KIF1A: variants seen among roughly 807,000 people sequenced by gnomAD.
The protein encoded by KIF1A is kinesin-like protein KIF1A.
Under a neutral mutation model 227.3 loss-of-function variants are expected in KIF1A, and 46 were observed. The ratio of observed to expected loss-of-function variants is 0.20; its 90% CI spans 0.16 to 0.26. The LOEUF (loss-of-function observed/expected upper bound fraction) is 0.26. KIF1A is among the 10% of genes least tolerant of loss of function. KIF1A has a pLI of 1.00. For missense variants in KIF1A, 1,683 were observed against 2,485.9 expected (o/e 0.68, Z 6.87); for synonymous variants, 1,022 against 1,012.8 (o/e 1.01, Z -0.17).
chr2:240,780,062 G>A (rs1308603607), intron 10 of KIF1A, among the ~76,000 whole-genome samples: 1 of 151,988 alleles, frequency 6.6e-6, no homozygotes, highest in Non-Finnish European at 1.5e-5. Context: ...GGGCTCACGT[G>A]GCTCCTCTCA....
intron 38 of KIF1A, among the ~76,000 whole-genome samples, chr2:240,731,163 G>T (rs1468867212): frequency 6.6e-6 from 1 of 152,230 alleles, no homozygotes; most frequent in Non-Finnish European, 1.5e-5. Context: ...AAGGAGGTGG[G>T]TGGAGTCAGG....
chr2:240,770,478 T>C (rs1033101901), intron 15 of KIF1A, among the ~76,000 whole-genome samples: 2 of 152,172 alleles, frequency 1.3e-5, no homozygotes, highest in African/African-American at 4.8e-5. Flanking sequence ...TGCTGTGACC[T>C]GGGACTGTCG....
At position 240,718,057 on chromosome 2, in the gene KIF1A, T is replaced by A; in HGVS notation, c.5326A>T (p.Thr1776Ser). The A allele has an allele frequency of 6.2e-7, 1 of 1,606,428 alleles. No homozygotes were observed. Among genetic ancestry groups the A allele is most frequent in the Non-Finnish European group, 8.5e-7 (1 of 1,176,454 alleles). The stretch of plus-strand genomic sequence containing the variant: ...CCCTGCAGGCGGCCCTACCGTATGG[T>A]CCCGGCCAGGAGGGGGTTGAAGGCG... ...LYAFNPLLAG[T>S]IRSKLSRRRS... Residue 1776 changes from threonine to serine, a missense_variant, in exon 48 of 49, where the codon ACC (threonine) becomes TCC (serine). This residue lies in a region of KIF1A where 384 missense variants were observed against 410.1 expected (regional missense o/e 0.94). Transcript: ENST00000498729.
At chr2:240,805,129 C>G (rs535939103) in intron 1 of KIF1A, among the ~76,000 whole-genome samples, 3 of 12,270 alleles carry the variant, frequency 2.4e-4, no homozygotes, top group Admixed American at 1.1e-3. Context: ...GGAGGGAGGG[C>G]GGAGGGAGAG....
intron 29 of KIF1A, among the ~76,000 whole-genome samples, chr2:240,746,542 C>A (rs1021117496): frequency 6.6e-6 from 1 of 152,220 alleles, no homozygotes; most frequent in East Asian, 1.9e-4. Flanking sequence ...TGGGCATCCC[C>A]AATACTGACA....
chr2:240,788,863 G>C lies in KIF1A; in HGVS notation c.183+373C>G, dbSNP rs991120293. 6.6e-6 allele frequency among the ~76,000 whole-genome samples: 1 copy of C among 152,150 alleles called. No individual in the cohort carries two copies. The highest frequency in any genetic ancestry group is 1.5e-5 in the Non-Finnish European group (1 of 68,002). On this transcript the variant is annotated intron_variant, in intron 3 of 48. Transcript: ENST00000498729. The surrounding 1 kb of genome is among the most constrained non-coding windows in gnomAD (Gnocchi z 6.6). ...ACAGGGCTCAGTGTGGACTGGATCG[G>C]GGAGGAGGGAAGGAGAAGAGTCCAG...
At position 240,725,908 on chromosome 2, in the gene KIF1A, T is replaced by C. The variant is rs1039287525; in HGVS notation, c.4123-504A>G. 1.2e-4 allele frequency: 18 copies of C among 152,954 alleles called. No homozygotes were observed. The highest frequency in any genetic ancestry group is 4.1e-4 in the African/African-American group (17 of 41,456). The allele number at this position is 152,954 out of a possible 1,614,324, so 9.5% of individuals were successfully genotyped here. A position where few individuals can be genotyped will look rare whatever the true frequency, so the allele number is the denominator to read the frequency against. ...TGCATGGCTGAAGAGTCCCAAGCAC[T>C]CGCTGGGAAGAGCTCTGCCAGCGCC... On this transcript the variant is annotated intron_variant, in intron 39 of 48. Transcript: ENST00000498729. This position sits in a 1 kb window ranked among gnomAD's most constrained non-coding sequence, Gnocchi z 5.8.
At chr2:240,761,947 CCT>C (rs1559507221) in intron 23 of KIF1A, among the ~76,000 whole-genome samples, 1 of 152,188 alleles carries the variant, frequency 6.6e-6, no homozygotes, top group African/African-American at 2.4e-5. Context: ...CGACCCATGC[CCT>C]GTCTGTCCAC....
At chr2:240,814,440 A>G (rs969164386) in intron 1 of KIF1A, among the ~76,000 whole-genome samples, 1 of 152,012 alleles carries the variant, frequency 6.6e-6, no homozygotes, top group Non-Finnish European at 1.5e-5. Context: ...CAGCAAAAAC[A>G]CTCTCACACA....
intron 10 of KIF1A, among the ~76,000 whole-genome samples, chr2:240,776,770 G>A (rs570147800): frequency 1.3e-5 from 2 of 152,336 alleles, no homozygotes; most frequent in South Asian, 4.1e-4. Flanking sequence ...GGACATGCAC[G>A]CAGATGCCAC....
intron 1 of KIF1A, among the ~76,000 whole-genome samples, chr2:240,811,368 AAAAAGAAAAGAAGAAAAG>A (rs2057851262): frequency 6.6e-6 from 1 of 152,042 alleles, no homozygotes; most frequent in Non-Finnish European, 1.5e-5. Context: ...CCATCTCAAA[AAAAAGAAAAGAAGAAAAG>A]AAAAGAAAAG....
At position 240,739,984 on chromosome 2, in the gene KIF1A, T is replaced by A; in HGVS notation, c.3901+74A>T. On this transcript the variant is annotated intron_variant, in intron 37 of 48. Transcript: ENST00000498729. The surrounding 1 kb of genome is among the most constrained non-coding windows in gnomAD (Gnocchi z 5.6). ...CGCAGAGGTGTGGTTAGAACCCGGG[T>A]ATCCAGCTCAGGGCCTGTACTCTTC... 1.7e-6 allele frequency: 2 copies of A among 1,182,662 alleles called. No individual in the cohort carries two copies. Among genetic ancestry groups the A allele is most frequent in the Non-Finnish European group, 2.5e-6 (2 of 813,964 alleles). The allele number at this position is 1,182,662 out of a possible 1,614,324, so 73.3% of individuals were successfully genotyped here.
At chr2:240,723,630 G>C in intron 41 of KIF1A, 72 bp from the exon 42 acceptor site, 12 of 1,450,536 alleles carry the variant, frequency 8.3e-6, no homozygotes, top group Non-Finnish European at 1.0e-5. Context: ...CTAGAGGTCC[G>C]CCCATCTGTG....
chr2:240,763,094 G>A lies in KIF1A; in HGVS notation c.1950-3C>T, dbSNP rs778033896. On this transcript the variant is annotated splice_region_variant and splice_polypyrimidine_tract_variant and intron_variant, in intron 21 of 48. Coordinates refer to ENST00000498729, the MANE Select transcript of KIF1A (RefSeq NM_001244008.2). Reference sequence around the variant, plus strand: ...ACTGGTCCTCCAGTTCCTGGAGCCTGCAAGGGGGCATTGGGGTGAGCACGG... The same window carrying A: ...ACTGGTCCTCCAGTTCCTGGAGCCTACAAGGGGGCATTGGGGTGAGCACGG... 7 of 1,587,422 alleles carry A rather than the reference G, an allele frequency of 4.4e-6. No homozygotes were observed. Among genetic ancestry groups the A allele is most frequent in the Middle Eastern group, 3.8e-4 (2 of 5,290 alleles).
chr2:240,804,304 A>C (rs889509204), intron 1 of KIF1A, among the ~76,000 whole-genome samples: 3 of 152,152 alleles, frequency 2.0e-5, no homozygotes, highest in Non-Finnish European at 2.9e-5. Flanking sequence ...TTCCCAACAG[A>C]GAGCAAAAGG....
At chr2:240,723,931 A>C in intron 41 of KIF1A, 44 bp downstream of exon 41, 1 of 1,539,302 alleles carries the variant, frequency 6.5e-7, no homozygotes, top group South Asian at 1.1e-5. Flanking sequence ...GCAGAGGTTG[A>C]GCAGGCCAGG....
Position 240,766,722 on chromosome 2 carries a change from A to ATC in KIF1A, c.1684+191_1684+192dup, listed in dbSNP as rs67736580. ...CCCAAATATCTCTCTCTCTCTCCAA[A>ATC]TCTCTCTCTCTCTCTCTCTCTCTCT... On this transcript the variant is annotated intron_variant, in intron 19 of 48. Coordinates refer to ENST00000498729, the MANE Select transcript of KIF1A (RefSeq NM_001244008.2). This position sits in a 1 kb window ranked among gnomAD's most constrained non-coding sequence, Gnocchi z 5.0. Among the ~76,000 whole-genome samples the ATC allele has an allele frequency of 0.035, 4,257 of 122,498 alleles. 135 individuals are homozygous for ATC. Among genetic ancestry groups the ATC allele is most frequent in the African/African-American group, 0.057 (1,616 of 28,350 alleles). The allele number at this position is 122,498 out of a possible 152,430, so 80.4% of individuals were successfully genotyped here.
intron 38 of KIF1A, among the ~76,000 whole-genome samples, chr2:240,730,484 A>T (rs1188097545): frequency 6.6e-6 from 1 of 152,040 alleles, no homozygotes; most frequent in Non-Finnish European, 1.5e-5. Flanking sequence ...AGCCTCCCTC[A>T]CTCTATCCCA....
chr2:240,727,500 C>T (rs931032075), intron 38 of KIF1A, among the ~76,000 whole-genome samples: 1 of 152,240 alleles, frequency 6.6e-6, no homozygotes, highest in African/African-American at 2.4e-5. Flanking sequence ...GGTCCATCTC[C>T]TCTGACAATG....
Sources: gnomAD v4.1 joint callset for allele counts (sites outside exome capture counted in the v4.1 genomes callset) on GRCh38, gnomAD v4.1.1 for gene constraint, gnomAD v4.1.1 regional missense constraint, Gnocchi (gnomAD v3.1) non-coding constraint, MANE v1.5 for transcripts, NCBI Gene and HGNC (gene_info 2026-07-23, HGNC 2026-07-21) for gene names.